CEPT1: variants seen among roughly 807,000 people sequenced by gnomAD.
CEPT1 encodes the protein choline/ethanolamine phosphotransferase 1.
Under a neutral mutation model 42.6 loss-of-function variants are expected in CEPT1, and 7 were observed. The observed-to-expected ratio is 0.16, with a 90% CI of 0.09 to 0.31. The LOEUF is 0.31. Among genes scored for constraint, CEPT1 ranks in the 10% least tolerant of loss-of-function variants. The pLI is 1.00. For synonymous variants in CEPT1, 171 were observed against 171.9 expected (o/e 0.99, Z 0.04); for missense variants, 306 against 502.1 (o/e 0.61, Z 3.73).
intron 1 of CEPT1, among the ~76,000 whole-genome samples, chr1:111,145,457 T>C (rs1217813788): frequency 1.3e-5 from 2 of 152,130 alleles, no homozygotes; most frequent in Non-Finnish European, 2.9e-5. Flanking sequence ...TTGACAGAGG[T>C]TTTGGATGCC....
At chr1:111,154,053 A>G (rs921909438) in intron 2 of CEPT1, among the ~76,000 whole-genome samples, 14 of 152,024 alleles carry the variant, frequency 9.2e-5, no homozygotes, top group Non-Finnish European at 1.6e-4. Context: ...TAGTATGGCC[A>G]TTTTGACAAT....
chr1:111,165,425 CTCT>C (rs984756283), intron 4 of CEPT1, among the ~76,000 whole-genome samples: 2 of 151,726 alleles, frequency 1.3e-5, no homozygotes, highest in African/African-American at 4.8e-5. Context: ...GAGCAAAATA[CTCT>C]TCAATTATTT....
At chr1:111,143,180 C>G (rs1012132089) in intron 1 of CEPT1, among the ~76,000 whole-genome samples, 1 of 152,176 alleles carries the variant, frequency 6.6e-6, no homozygotes, top group East Asian at 1.9e-4. Flanking sequence ...CCCATTCTTC[C>G]ATCTGGTTTA....
chr1:111,174,107 A>C (rs931925185), intron 4 of CEPT1, among the ~76,000 whole-genome samples: 2 of 152,136 alleles, frequency 1.3e-5, no homozygotes, highest in African/African-American at 4.8e-5. Flanking sequence ...AAATTGTAGA[A>C]GGTGCTAAGT....
Position 111,182,631 on chromosome 1 carries a change from T to G in CEPT1, c.847-168T>G, listed in dbSNP as rs998972550. 5 of 632,996 alleles carry G rather than the reference T, an allele frequency of 7.9e-6. No homozygotes were observed. In the African/African-American group the frequency reaches 9.4e-5, roughly 12 times the overall value. 39.2% of individuals were successfully genotyped at this position (632,996 alleles called of 1,614,324 possible). On this transcript the variant is annotated intron_variant, in intron 6 of 8. Transcript: ENST00000357172. ...CAGTTTGTGCCTAATGAATTTATGC[T>G]GCTACTTTTCATTAGCTCTTCTAGT...
At chr1:111,170,154 CAG>C (rs1238894270) in intron 4 of CEPT1, among the ~76,000 whole-genome samples, 4 of 152,122 alleles carry the variant, frequency 2.6e-5, no homozygotes, top group Non-Finnish European at 5.9e-5. Flanking sequence ...TTATTTAACT[CAG>C]AGATTGTGAG....
intron 1 of CEPT1, among the ~76,000 whole-genome samples, chr1:111,146,324 A>G (rs75915061): frequency 0.03 from 4,591 of 152,078 alleles, 235 homozygotes; most frequent in African/African-American, 0.1. Flanking sequence ...TATATATTCC[A>G]TTCCTACCCT....
At chr1:111,155,849 T>A (rs1655537247) in intron 2 of CEPT1, among the ~76,000 whole-genome samples, 1 of 152,170 alleles carries the variant, frequency 6.6e-6, no homozygotes. Flanking sequence ...GATTTTCATG[T>A]ACATATATAA....
chr1:111,165,187 TA>T (rs1656082710), intron 4 of CEPT1, among the ~76,000 whole-genome samples: 1 of 150,694 alleles, frequency 6.6e-6, no homozygotes, highest in Non-Finnish European at 1.5e-5. Context: ...TAGCTGGGAC[TA>T]CAGGCACCCG....
chr1:111,168,207 C>T (rs566436723), intron 4 of CEPT1, among the ~76,000 whole-genome samples: 1 of 152,128 alleles, frequency 6.6e-6, no homozygotes, highest in Admixed American at 6.5e-5. Context: ...GACCTTATGA[C>T]TTTTAAAAAC....
At chr1:111,157,913 C>T (rs1294427606) in intron 2 of CEPT1, among the ~76,000 whole-genome samples, 1 of 152,188 alleles carries the variant, frequency 6.6e-6, no homozygotes, top group Non-Finnish European at 1.5e-5. Flanking sequence ...AACCAATATA[C>T]AGTAAACTAC....
chr1:111,182,615 C>A, intron 6 of CEPT1, 184 bp from the exon 7 acceptor site: 1 of 598,858 alleles, frequency 1.7e-6, no homozygotes, highest in Non-Finnish European at 2.8e-6. Context: ...TCAGTTTGTG[C>A]CTAATGAATT....
intron 4 of CEPT1, among the ~76,000 whole-genome samples, chr1:111,165,665 T>C (rs1008487739): frequency 4.6e-5 from 7 of 152,220 alleles, no homozygotes; most frequent in African/African-American, 1.7e-4. Context: ...AGTGTACTTA[T>C]TTATAATTAC....
At chr1:111,182,098 A>G in intron 5 of CEPT1, 89 bp from the exon 6 acceptor site, 1 of 1,026,258 alleles carries the variant, frequency 9.7e-7, no homozygotes, top group Non-Finnish European at 1.4e-6. Flanking sequence ...GGGAATGGAA[A>G]GTTTTTGGGA....
chr1:111,158,069 C>T (rs775488683), intron 2 of CEPT1, among the ~76,000 whole-genome samples: 25 of 152,118 alleles, frequency 1.6e-4, no homozygotes, highest in Non-Finnish European at 2.9e-4. Flanking sequence ...AGGCTGGGTG[C>T]GTTGGCTCAC....
chr1:111,146,959 C>A (rs1301144449), intron 1 of CEPT1, among the ~76,000 whole-genome samples: 3 of 150,662 alleles, frequency 2.0e-5, no homozygotes, highest in Non-Finnish European at 4.4e-5. Flanking sequence ...TAAACAGAAA[C>A]CCTGTGTTTG....
At chr1:111,140,894 C>T (rs1024316437) in intron 1 of CEPT1, among the ~76,000 whole-genome samples, 9 of 152,178 alleles carry the variant, frequency 5.9e-5, no homozygotes, top group Non-Finnish European at 1.0e-4. Flanking sequence ...AGCATTCTTG[C>T]AAGGAGAAAT....
Position 111,182,313 on chromosome 1 carries a change from A to G in CEPT1, c.841A>G (p.Ile281Val). The change falls in exon 6 of 9, where the codon ATA becomes GTA. Residue 281 changes from isoleucine to valine, a missense_variant. By Grantham distance (29) the Ile-to-Val change is conservative. Coordinates refer to ENST00000357172, the MANE Select transcript of CEPT1 (RefSeq NM_006090.5). The part of the protein sequence containing the change: ...TGGVGKNGST[I>V]AGTSVLSPFL... ...TGGTGTTGGCAAAAATGGATCAACA[A>G]TAGCAGTAAGTATACCTTAAGATTT... The G allele has an allele frequency of 1.2e-6, 2 of 1,612,670 alleles. No individual in the cohort carries two copies. Among genetic ancestry groups the G allele is most frequent in the Non-Finnish European group, 1.7e-6 (2 of 1,179,338 alleles).
chr1:111,168,962 G>A (rs1208249001), intron 4 of CEPT1, among the ~76,000 whole-genome samples: 1 of 152,132 alleles, frequency 6.6e-6, no homozygotes, highest in Non-Finnish European at 1.5e-5. Context: ...CTGATATAAG[G>A]TGGTGTAGTA....
Sources: gnomAD v4.1 joint callset for allele counts (sites outside exome capture counted in the v4.1 genomes callset) on GRCh38, gnomAD v4.1.1 for gene constraint, MANE v1.5 for transcripts, NCBI Gene and HGNC (gene_info 2026-07-23, HGNC 2026-07-21) for gene names.